The following SRP54 variants were observed in gnomAD, a reference collection of about 807,000 sequenced individuals.
The protein encoded by SRP54 is signal recognition particle subunit SRP54.
A neutral mutation model predicts 64.8 loss-of-function variants in SRP54; 10 were observed. The ratio of observed to expected loss-of-function variants is 0.15; its 90% CI spans 0.10 to 0.26. SRP54 has a LOEUF of 0.26. Among genes scored for constraint, SRP54 ranks in the 10% least tolerant of loss-of-function variants. The probability of loss-of-function intolerance (pLI) is 1.00; values close to 1 mark genes in which losing one functional copy is unlikely to be tolerated. For missense variants in SRP54, 325 were observed against 613.7 expected (o/e 0.53, Z 4.97); for synonymous variants, 193 against 185.6 (o/e 1.04, Z -0.32).
At chr14:35,015,154 G>A (rs1054542962) in intron 11 of SRP54, among the ~76,000 whole-genome samples, 6 of 152,084 alleles carry the variant, frequency 3.9e-5, no homozygotes, top group Admixed American at 3.3e-4. Flanking sequence ...TTGGCTCACC[G>A]CAAACTCCAC....
At chr14:34,996,071 A>C (rs1395097095) in intron 1 of SRP54, among the ~76,000 whole-genome samples, 1 of 151,960 alleles carries the variant, frequency 6.6e-6, no homozygotes, top group Admixed American at 6.6e-5. Context: ...TCTCAAAAAA[A>C]AAAAAAAAAG....
At chr14:34,994,755 G>A (rs1383991926) in intron 1 of SRP54, among the ~76,000 whole-genome samples, 1 of 151,606 alleles carries the variant, frequency 6.6e-6, no homozygotes, top group Non-Finnish European at 1.5e-5. Flanking sequence ...TATACTCTCT[G>A]CCTTAGTCTA....
intron 13 of SRP54, among the ~76,000 whole-genome samples, chr14:35,021,348 G>A (rs976911401): frequency 6.6e-6 from 1 of 152,178 alleles, no homozygotes; most frequent in Non-Finnish European, 1.5e-5. Context: ...TTTGAAAGCT[G>A]GCCAGGTGCG....
At chr14:35,027,548 G>A (rs7155696) in intron 14 of SRP54, among the ~76,000 whole-genome samples, 26,671 of 152,000 alleles carry the variant, frequency 0.18, 2,578 homozygotes, top group East Asian at 0.38. Flanking sequence ...ACGAGGTCAG[G>A]TGTTTGAGAC....
rs1402250420 is a variant in SRP54, at chr14:35,022,773, TATA to T, written c.1157-135_1157-133del. The T allele has an allele frequency of 5.3e-6, 3 of 565,488 alleles. No homozygotes were observed. In the East Asian group the frequency reaches 1.0e-4, roughly 19 times the overall value. 35.0% of individuals were successfully genotyped at this position (565,488 alleles called of 1,614,324 possible). A position where few individuals can be genotyped will look rare whatever the true frequency, so the allele number is the denominator to read the frequency against. On this transcript the variant is annotated intron_variant, in intron 13 of 15. Coordinates refer to ENST00000216774, the MANE Select transcript of SRP54 (RefSeq NM_003136.4). ...TTTCTGTATGTAAGATATTTTGTAATATAAAAAGAAAAATGAGATAGTTATCAC... is the reference window on the plus strand; with the variant it reads ...TTTCTGTATGTAAGATATTTTGTAATAAAAGAAAAATGAGATAGTTATCAC...
At chr14:35,013,567 A>T (rs2044388701) in intron 9 of SRP54, 73 bp downstream of exon 9, 1 of 1,475,572 alleles carries the variant, frequency 6.8e-7, no homozygotes, top group African/African-American at 1.4e-5. Flanking sequence ...TAGCTTTCAT[A>T]TTGATCATTT....
At position 34,983,233 on chromosome 14, in the gene SRP54, C is replaced by T. The variant is rs560312482; in HGVS notation, c.-34+18C>T. 4.6e-5 allele frequency: 7 copies of T among 152,426 alleles called. No individual in the cohort carries two copies. Among genetic ancestry groups the T allele is most frequent in the Non-Finnish European group, 1.0e-4 (7 of 68,110 alleles). The allele number at this position is 152,426 out of a possible 1,614,324, so 9.4% of individuals were successfully genotyped here. ...CTTTTGCGGTAAGTGTCTGCTTTTT[C>T]CCGCCCCAGACTACGGAGGGGGAGC... On this transcript the variant is annotated intron_variant, in intron 1 of 15. Coordinates refer to ENST00000216774, the MANE Select transcript of SRP54 (RefSeq NM_003136.4).
At chr14:35,002,413 C>T in intron 4 of SRP54, among the ~76,000 whole-genome samples, 1 of 151,580 alleles carries the variant, frequency 6.6e-6, no homozygotes. Context: ...GTTCTACAAT[C>T]ATTTTTCCCC....
chr14:34,996,856 C>A, intron 2 of SRP54, 69 bp downstream of exon 2: 1 of 1,102,868 alleles, frequency 9.1e-7, no homozygotes, highest in Non-Finnish European at 1.4e-6. Context: ...ATGGCTTATT[C>A]ATAATCCCTG....
intron 4 of SRP54, among the ~76,000 whole-genome samples, chr14:35,003,232 A>G (rs1031121940): frequency 2.0e-5 from 3 of 152,162 alleles, no homozygotes; most frequent in Non-Finnish European, 2.9e-5. Context: ...TGTACAAAGC[A>G]AGGTCAAAAT....
At chr14:34,997,029 T>G in intron 2 of SRP54, 1 of 396,404 alleles carries the variant, frequency 2.5e-6, no homozygotes, top group South Asian at 3.8e-5. Context: ...TGACCTTAAC[T>G]TACATGTAAA....
Position 34,983,208 on chromosome 14 carries a change from C to T in SRP54, c.-41C>T, listed in dbSNP as rs1390081621. 1 of 152,338 alleles carries T rather than the reference C, an allele frequency of 6.6e-6. No individual in the cohort carries two copies. The highest frequency in any genetic ancestry group is 6.5e-5 in the Admixed American group (1 of 15,278). 9.4% of individuals were successfully genotyped at this position (152,338 alleles called of 1,614,324 possible). On this transcript the variant is annotated 5_prime_UTR_variant, in exon 1 of 16. Coordinates refer to ENST00000216774, the MANE Select transcript of SRP54 (RefSeq NM_003136.4). ...CTCAGGGCCACGGCTTTAGCGGTGT[C>T]TTTTGCGGTAAGTGTCTGCTTTTTC...
chr14:35,013,615 A>T, intron 9 of SRP54, 121 bp downstream of exon 9: 1 of 1,267,546 alleles, frequency 7.9e-7, no homozygotes, highest in Middle Eastern at 1.9e-4. Context: ...ATGGTTTATA[A>T]AGAAAGTTTA....
intron 3 of SRP54, 81 bp downstream of exon 3, chr14:34,999,730 T>G (rs1347599029): frequency 9.8e-7 from 1 of 1,018,158 alleles, no homozygotes; most frequent in Non-Finnish European, 1.5e-6. Flanking sequence ...AAGTGTTTGC[T>G]GTATCAGGAA....
intron 1 of SRP54, among the ~76,000 whole-genome samples, chr14:34,983,822 C>T (rs1217675819): frequency 6.6e-6 from 1 of 152,164 alleles, no homozygotes; most frequent in Non-Finnish European, 1.5e-5. Flanking sequence ...CTAACTCTGC[C>T]ATTGAGAAGC....
chr14:35,019,132 A>G, intron 13 of SRP54, 58 bp downstream of exon 13: 2 of 1,189,896 alleles, frequency 1.7e-6, no homozygotes, highest in Non-Finnish European at 2.5e-6. Flanking sequence ...GTAAGATGAG[A>G]GTTTCACTGT....
At chr14:35,018,553 TA>T in intron 11 of SRP54, 138 bp from the exon 12 acceptor site, 1 of 673,516 alleles carries the variant, frequency 1.5e-6, no homozygotes, top group Non-Finnish European at 2.5e-6. Flanking sequence ...TTGCACATGG[TA>T]ACTGCTTGGT....
At chr14:34,991,956 G>A (rs1207112846) in intron 1 of SRP54, among the ~76,000 whole-genome samples, 1 of 152,108 alleles carries the variant, frequency 6.6e-6, no homozygotes, top group Non-Finnish European at 1.5e-5. Flanking sequence ...GTTTTAAGAC[G>A]GAGTTTTGCT....
chr14:35,019,345 AAGG>A (rs1391525509), intron 13 of SRP54: 2 of 231,998 alleles, frequency 8.6e-6, no homozygotes, highest in Non-Finnish European at 1.7e-5. Context: ...GTTAACTTAA[AAGG>A]AGAACTCTGA....
Sources: gnomAD v4.1 joint callset for allele counts (sites outside exome capture counted in the v4.1 genomes callset) on GRCh38, gnomAD v4.1.1 for gene constraint, MANE v1.5 for transcripts, NCBI Gene and HGNC (gene_info 2026-07-23, HGNC 2026-07-21) for gene names.